The following FAM20C variants were observed in gnomAD, a reference collection of about 807,000 sequenced individuals.
FAM20C encodes FAM20C golgi associated secretory pathway kinase, also known as extracellular serine/threonine protein kinase FAM20C.
In FAM20C, 40 loss-of-function variants were observed where a neutral mutation model predicts 51.5. The ratio of observed to expected loss-of-function variants is 0.78; its 90% CI spans 0.60 to 1.01. The LOEUF (loss-of-function observed/expected upper bound fraction) is 1.01, where lower values mean the gene tolerates loss of function less well. Ranked by LOEUF, FAM20C falls within the 50% of genes least tolerant of loss-of-function variation. The pLI, the probability that FAM20C is intolerant of heterozygous loss-of-function variation, is 0.00. For synonymous variants in FAM20C, 406 were observed against 380.6 expected, an observed-to-expected ratio of 1.07 and a Z score of -0.78; for missense variants, 861 against 844.7, an observed-to-expected ratio of 1.02 and a Z score of -0.24.
intron 3 of FAM20C, among the ~76,000 whole-genome samples, chr7:219,354 G>A (rs531838354): frequency 2.6e-4 from 38 of 148,100 alleles, no homozygotes; most frequent in African/African-American, 8.6e-4. Flanking sequence ...GGACAGCAAC[G>A]CCCAGCCCAG....
intron 3 of FAM20C, among the ~76,000 whole-genome samples, chr7:244,570 G>A (rs1423310119): frequency 6.6e-6 from 1 of 152,194 alleles, no homozygotes; most frequent in Admixed American, 6.5e-5. Flanking sequence ...CGACCCTGGC[G>A]GGCAGCATGT....
intron 2 of FAM20C, among the ~76,000 whole-genome samples, chr7:198,764 T>G (rs1159260569): frequency 1.3e-5 from 2 of 152,176 alleles, no homozygotes; most frequent in Non-Finnish European, 2.9e-5. Flanking sequence ...TCTCCAACAC[T>G]GCAGCATTTT....
Position 259,834 on chromosome 7 carries a change from G to A in FAM20C, c.1609G>A (p.Val537Met), listed in dbSNP as rs1562403213. The change falls in exon 10 of 10, where the codon GTG (valine) becomes ATG (methionine). Residue 537 changes from valine (V) to methionine (M), a missense_variant. Physicochemically the swap from Val to Met is conservative, Grantham distance 21 (BLOSUM62 1). Around this residue, in one of 3 missense-constraint regions of FAM20C, gnomAD observed 269 missense variants for 283.8 expected, o/e 0.95. Coordinates refer to ENST00000313766, the MANE Select transcript of FAM20C (RefSeq NM_020223.4). The stretch of plus-strand genomic sequence containing the variant: ...TCTGCGGGGGGACCAGGTGGCACCC[G>A]TGCTGTACCAGCCGCACCTGGAGGC... ...ESLRGDQVAP[V>M]LYQPHLEALD... is the part of the protein sequence containing the mutation. 5.9e-6 allele frequency: 9 copies of A among 1,536,248 alleles called. No individual in the cohort carries two copies. The highest frequency in any genetic ancestry group is 7.8e-6 in the Non-Finnish European group (9 of 1,146,880).
rs1273596587 is a variant in FAM20C, at chr7:211,446, GC to G, written c.863+2476del. Among the ~76,000 whole-genome samples the G allele has an allele frequency of 2.2e-5, 3 of 137,786 alleles. No individual in the cohort carries two copies. The South Asian group carries it at 7.7e-4, about 35-fold the overall frequency. The allele number at this position is 137,786 out of a possible 152,430, so 90.4% of individuals were successfully genotyped here. ...CCCCAGGCCTCCCCAAACCTCCCCA[GC>G]CCCCCACCGTGATGGGCACCCCACG... On this transcript the variant is annotated intron_variant, in intron 3 of 9. Transcript: ENST00000313766.
intron 3 of FAM20C, among the ~76,000 whole-genome samples, chr7:216,652 AGTGT>A (rs955778664): frequency 3.1e-4 from 33 of 105,366 alleles, no homozygotes; most frequent in Non-Finnish European, 3.3e-4. Flanking sequence ...AGTGTGTGTG[AGTGT>A]GTGTGTGAGA....
chr7:257,836 A>ACACACTGCCCGGGGTGCTGGAGATGCCCG (rs1788659173), intron 8 of FAM20C, among the ~76,000 whole-genome samples: 1 of 48,602 alleles, frequency 2.1e-5, no homozygotes, highest in Non-Finnish European at 4.3e-5. Context: ...GGAGATGGGC[A>ACACACTGCCCGGGGTGCTGGAGATGCCCG]GGGTGGACCC....
chr7:224,323 G>A lies in FAM20C; in HGVS notation c.863+15347G>A, dbSNP rs1229946383. On this transcript the variant is annotated intron_variant, in intron 3 of 9. Coordinates refer to ENST00000313766, the MANE Select transcript of FAM20C (RefSeq NM_020223.4). ...AATGGCACCGTCACGGGGGTCGCAC[G>A]GCGGCTGTCCCCTGAGCCTTCTCTC... is the stretch of plus-strand genomic sequence containing the variant. 1.3e-4 allele frequency among the ~76,000 whole-genome samples: 5 copies of A among 37,072 alleles called. 2 individuals carry two copies. The highest frequency in any genetic ancestry group is 1.0e-3 in the Admixed American group (5 of 4,900). The allele number at this position is 37,072 out of a possible 152,430, so 24.3% of individuals were successfully genotyped here. A position where few individuals can be genotyped will look rare whatever the true frequency, so the allele number is the denominator to read the frequency against.
chr7:251,652 G>C (rs1384008140), intron 5 of FAM20C, among the ~76,000 whole-genome samples: 1 of 152,076 alleles, frequency 6.6e-6, no homozygotes, highest in Non-Finnish European at 1.5e-5. Context: ...GAGTGCCCCT[G>C]AGCTCTGTGC....
intron 3 of FAM20C, among the ~76,000 whole-genome samples, chr7:245,600 G>A (rs1001437962): frequency 3.3e-5 from 5 of 152,092 alleles, no homozygotes; most frequent in East Asian, 3.9e-4. Context: ...ATGCTTACAC[G>A]CTTACACGCT....
At chr7:213,750 G>T (rs1445132213) in intron 3 of FAM20C, among the ~76,000 whole-genome samples, 3 of 152,240 alleles carry the variant, frequency 2.0e-5, no homozygotes, top group Non-Finnish European at 2.9e-5. Context: ...TCCGTTTTCT[G>T]CAGCGGCTGC....
chr7:198,213 G>A (rs552591677), intron 2 of FAM20C, among the ~76,000 whole-genome samples: 37 of 152,348 alleles, frequency 2.4e-4, no homozygotes, highest in Non-Finnish European at 4.3e-4. Flanking sequence ...AGGACGATGG[G>A]CAGACACAGC....
At chr7:218,473 C>T (rs1393346312) in intron 3 of FAM20C, among the ~76,000 whole-genome samples, 1 of 152,248 alleles carries the variant, frequency 6.6e-6, no homozygotes, top group Non-Finnish European at 1.5e-5. Flanking sequence ...TCCTGGTAAG[C>T]TCGTGGCCCA....
At chr7:258,423 C>T (rs1305698546) in intron 8 of FAM20C, among the ~76,000 whole-genome samples, 1 of 84,316 alleles carries the variant, frequency 1.2e-5, no homozygotes, top group Admixed American at 9.7e-5. Context: ...TGGGGTGGAC[C>T]CACTGCCTGG....
rs145973343 is a variant in FAM20C, at chr7:258,725, C to A, written c.1505+20C>A. The A allele has an allele frequency of 3.3e-6, 5 of 1,530,984 alleles. No individual in the cohort carries two copies. Among genetic ancestry groups the A allele is most frequent in the Non-Finnish European group, 4.4e-6 (5 of 1,143,182 alleles). 94.8% of individuals were successfully genotyped at this position (1,530,984 alleles called of 1,614,324 possible). A position where few individuals can be genotyped will look rare whatever the true frequency, so the allele number is the denominator to read the frequency against. On this transcript the variant is annotated intron_variant, in intron 9 of 9. Coordinates refer to ENST00000313766, the MANE Select transcript of FAM20C (RefSeq NM_020223.4). ...CTGCAGGTACAGCCCCTGCCGGAGC[C>A]GGCTCCAGCTCCACCCTCCTCCCTA...
chr7:243,925 T>TAATAATAAG (rs1328916668), intron 3 of FAM20C, among the ~76,000 whole-genome samples: 12 of 123,170 alleles, frequency 9.7e-5, no homozygotes, highest in African/African-American at 3.5e-4. Context: ...AAGAAAATAA[T>TAATAATAAG]AATAATAATA....
intron 3 of FAM20C, among the ~76,000 whole-genome samples, chr7:214,951 C>G (rs1231284971): frequency 6.6e-6 from 1 of 152,110 alleles, no homozygotes; most frequent in Non-Finnish European, 1.5e-5. Context: ...CCGCCAGGCA[C>G]TGGGAACACA....
rs767713161 is a variant in FAM20C at position 227,195 on chromosome 7, G to A, written c.863+18219G>A. Among the ~76,000 whole-genome samples the A allele has an allele frequency of 9.9e-5, 15 of 152,046 alleles. No individual in the cohort carries two copies. In the South Asian group the frequency reaches 1.7e-3, roughly 17 times the overall value. The stretch of plus-strand genomic sequence containing the variant: ...TTTTTGTATTTTCTCCAGTTATGAC[G>A]GTCGCCGGGGTGCCGCTAGTGTGTG... On this transcript the variant is annotated intron_variant, in intron 3 of 9. Transcript: ENST00000313766.
chr7:258,162 A>ACTGCCTGAGGTGCTGGAGATGGGTG (rs1788696532), intron 8 of FAM20C, among the ~76,000 whole-genome samples: 1 of 29,336 alleles, frequency 3.4e-5, no homozygotes, highest in African/African-American at 1.6e-4. Context: ...GGAGATAGGC[A>ACTGCCTGAGGTGCTGGAGATGGGTG]GGGTGGACCC....
At chr7:259,346 A>G (rs1478784875) in intron 9 of FAM20C, among the ~76,000 whole-genome samples, 1 of 152,186 alleles carries the variant, frequency 6.6e-6, no homozygotes, top group Admixed American at 6.5e-5. Flanking sequence ...GAGAGGCGGC[A>G]GACCACGCCG....
Sources: allele counts gnomAD v4.1 joint callset (sites outside exome capture counted in the v4.1 genomes callset), GRCh38; gene constraint gnomAD v4.1.1; regional missense constraint gnomAD v4.1.1; transcripts MANE v1.5; gene names NCBI Gene and HGNC (gene_info 2026-07-23, HGNC 2026-07-21).